The following PKN2 variants were observed in gnomAD, a reference collection of about 807,000 sequenced individuals.
The protein encoded by PKN2 is serine/threonine-protein kinase N2.
In PKN2, 38 loss-of-function variants were observed where a neutral mutation model predicts 119.1. That is an observed-to-expected ratio of 0.32 (90% CI 0.25 to 0.42). The LOEUF (loss-of-function observed/expected upper bound fraction) is 0.42, where lower values mean the gene tolerates loss of function less well. PKN2 is among the 10% of genes least tolerant of loss of function. The probability of loss-of-function intolerance (pLI) is 1.00; values close to 1 mark genes in which losing one functional copy is unlikely to be tolerated. For synonymous variants in PKN2, 390 were observed against 384.9 expected, an observed-to-expected ratio of 1.01 and a Z score of -0.15; for missense variants, 850 against 1,165.1, an observed-to-expected ratio of 0.73 and a Z score of 3.94.
At chr1:88,738,317 T>C (rs1329152374) in intron 1 of PKN2, among the ~76,000 whole-genome samples, 2 of 152,336 alleles carry the variant, frequency 1.3e-5, no homozygotes, top group African/African-American at 4.8e-5. Context: ...GGAGAGGCAT[T>C]CAACTAAATT....
chr1:88,704,778 C>CAA (rs35670791), intron 1 of PKN2, among the ~76,000 whole-genome samples: 1,463 of 75,012 alleles, frequency 0.02, 24 homozygotes, highest in African/African-American at 0.054. Context: ...GACCCTGTCT[C>CAA]AAAAAAAAAA....
intron 8 of PKN2, among the ~76,000 whole-genome samples, chr1:88,798,078 A>AGG (rs1305478053): frequency 3.3e-5 from 5 of 152,052 alleles, no homozygotes; most frequent in Admixed American, 6.6e-5. Flanking sequence ...AAAGGACCCT[A>AGG]AGGCCTGGTA....
chr1:88,730,365 G>T (rs1007191344), intron 1 of PKN2, among the ~76,000 whole-genome samples: 3 of 152,046 alleles, frequency 2.0e-5, no homozygotes, highest in Non-Finnish European at 4.4e-5. Context: ...GTATAGCAGT[G>T]CCCAGTAAGG....
intron 1 of PKN2, among the ~76,000 whole-genome samples, chr1:88,727,744 G>T (rs1667956884): frequency 6.6e-6 from 1 of 152,114 alleles, no homozygotes; most frequent in Admixed American, 6.6e-5. Context: ...TAATTTATCA[G>T]ATTATTAGTA....
At chr1:88,781,267 C>A in intron 6 of PKN2, 1 of 582,722 alleles carries the variant, frequency 1.7e-6, no homozygotes, top group Non-Finnish European at 2.5e-6. Context: ...CTGAAATTTG[C>A]CAGTTTGTTG....
intron 1 of PKN2, among the ~76,000 whole-genome samples, chr1:88,732,005 ATTATC>A (rs1668160430): frequency 6.6e-6 from 1 of 152,234 alleles, no homozygotes; most frequent in Non-Finnish European, 1.5e-5. Context: ...CCAAATACAT[ATTATC>A]ACATTTGTGT....
intron 1 of PKN2, among the ~76,000 whole-genome samples, chr1:88,737,876 T>G (rs1668419238): frequency 6.6e-6 from 1 of 152,220 alleles, no homozygotes; most frequent in Non-Finnish European, 1.5e-5. Context: ...ATTGTACCTC[T>G]GTCTTTCCTA....
chr1:88,788,961 C>G (rs1317366172), intron 8 of PKN2, among the ~76,000 whole-genome samples: 1 of 152,174 alleles, frequency 6.6e-6, no homozygotes, highest in East Asian at 1.9e-4. Flanking sequence ...TTCCCTTGCA[C>G]CTTTCCTTTA....
At chr1:88,748,671 A>G (rs1668867790) in intron 2 of PKN2, among the ~76,000 whole-genome samples, 1 of 152,172 alleles carries the variant, frequency 6.6e-6, no homozygotes, top group Non-Finnish European at 1.5e-5. Context: ...ACAGTGGCTC[A>G]TGTCTAAAAT....
At chr1:88,808,470 T>A (rs1251341086) in intron 15 of PKN2, among the ~76,000 whole-genome samples, 1 of 151,690 alleles carries the variant, frequency 6.6e-6, no homozygotes, top group Non-Finnish European at 1.5e-5. Flanking sequence ...CACGTCCAGC[T>A]TTTTTTTGTA....
At chr1:88,730,400 C>G (rs1411749249) in intron 1 of PKN2, among the ~76,000 whole-genome samples, 4 of 152,226 alleles carry the variant, frequency 2.6e-5, no homozygotes, top group Admixed American at 2.6e-4. Context: ...GGCTCTCTCT[C>G]TTTCTGCTCT....
intron 8 of PKN2, among the ~76,000 whole-genome samples, chr1:88,797,479 T>G (rs933219155): frequency 2.0e-5 from 3 of 151,152 alleles, no homozygotes; most frequent in African/African-American, 7.3e-5. Context: ...CTGTCTCTAC[T>G]AAATATACAA....
chr1:88,807,097 C>G (rs896004742), intron 12 of PKN2, among the ~76,000 whole-genome samples: 6 of 151,924 alleles, frequency 3.9e-5, no homozygotes, highest in African/African-American at 1.5e-4. Context: ...AGGAGGATTG[C>G]TTGTGGCTGG....
chr1:88,784,882 T>A, intron 7 of PKN2, 58 bp downstream of exon 7: 1 of 984,728 alleles, frequency 1.0e-6, no homozygotes. Flanking sequence ...ATACAAGGGA[T>A]TTATGAAGTG....
intron 6 of PKN2, among the ~76,000 whole-genome samples, chr1:88,783,124 A>G (rs1670422114): frequency 6.6e-6 from 1 of 152,174 alleles, no homozygotes; most frequent in Non-Finnish European, 1.5e-5. Flanking sequence ...ATATGCACTG[A>G]GTATTGTTCT....
At chr1:88,733,963 C>T (rs1668240601) in intron 1 of PKN2, among the ~76,000 whole-genome samples, 1 of 152,080 alleles carries the variant, frequency 6.6e-6, no homozygotes, top group Non-Finnish European at 1.5e-5. Flanking sequence ...AGTTCAAGAC[C>T]AGCCTGGGCA....
chr1:88,818,647 CA>C (rs199849657), intron 16 of PKN2, among the ~76,000 whole-genome samples: 8,903 of 81,654 alleles, frequency 0.11, 518 homozygotes, highest in African/African-American at 0.23. Flanking sequence ...GACTCCTTCT[CA>C]AAAAAAAAAA....
At chr1:88,777,577 A>G (rs1670155991) in intron 6 of PKN2, among the ~76,000 whole-genome samples, 2 of 152,136 alleles carry the variant, frequency 1.3e-5, no homozygotes, top group Non-Finnish European at 2.9e-5. Context: ...AACTTTTATA[A>G]TCTATTTTGT....
chr1:88,705,222 G>A (rs1399183374), intron 1 of PKN2, among the ~76,000 whole-genome samples: 9 of 151,172 alleles, frequency 6.0e-5, no homozygotes, highest in Non-Finnish European at 1.3e-4. Context: ...TGCACACTGT[G>A]TTTTTGGTTT....
Sources: gnomAD v4.1 joint callset for allele counts (sites outside exome capture counted in the v4.1 genomes callset) on GRCh38, gnomAD v4.1.1 for gene constraint, MANE v1.5 for transcripts, NCBI Gene and HGNC (gene_info 2026-07-23, HGNC 2026-07-21) for gene names.